ADPGK: variants seen among roughly 807,000 people sequenced by gnomAD.
The protein encoded by ADPGK is ADP-dependent glucokinase.
Under a neutral mutation model 42.4 loss-of-function variants are expected in ADPGK, and 26 were observed. The observed-to-expected ratio is 0.61, with a 90% confidence interval of 0.45 to 0.85. ADPGK has a LOEUF of 0.85. Ranked by LOEUF, ADPGK falls within the 40% of genes least tolerant of loss-of-function variation. ADPGK has a pLI of 0.00. For synonymous variants in ADPGK, 267 were observed against 252.6 expected (o/e 1.06, Z -0.54); for missense variants, 571 against 627.0 (o/e 0.91, Z 0.95).
intron 1 of ADPGK, among the ~76,000 whole-genome samples, chr15:72,776,557 A>G (rs2066394937): frequency 6.6e-6 from 1 of 152,238 alleles, no homozygotes; most frequent in Admixed American, 6.5e-5. Context: ...ATGAAGAGGA[A>G]TGAGACTGGG....
intron 4 of ADPGK, 22 bp from the exon 5 acceptor site, chr15:72,756,469 A>G (rs1334303003): frequency 6.2e-7 from 1 of 1,613,304 alleles, no homozygotes; most frequent in Non-Finnish European, 8.5e-7. Flanking sequence ...CAGTCAACAC[A>G]ATGGGAAGAA....
At chr15:72,755,964 A>G (rs917490085) in intron 5 of ADPGK, 1 of 656,718 alleles carries the variant, frequency 1.5e-6, no homozygotes, top group Admixed American at 2.1e-5. Flanking sequence ...AATAACACAA[A>G]GGACACAAAC....
intron 1 of ADPGK, among the ~76,000 whole-genome samples, chr15:72,775,885 G>GA (rs59379886): frequency 0.87 from 133,108 of 152,144 alleles, 58,539 homozygotes; most frequent in East Asian, 1. Context: ...CTTGAGATCA[G>GA]AGTGTTTCCG....
Position 72,762,405 on chromosome 15 carries a change from C to T in ADPGK, c.523-1878G>A, listed in dbSNP as rs149807441. ...AGACTGCTTTGTACAGAGGTACTTT[C>T]GTGTTATTTAAGAAATCCCACCTTC... On this transcript the variant is annotated intron_variant, in intron 3 of 6. Transcript: ENST00000456471. 3.6e-4 allele frequency among the ~76,000 whole-genome samples: 55 copies of T among 152,298 alleles called. 1 individual carries two copies. In the East Asian group the frequency reaches 0.01, roughly 29 times the overall value.
intron 1 of ADPGK, among the ~76,000 whole-genome samples, chr15:72,781,945 C>CT (rs1349419408): frequency 6.6e-6 from 1 of 152,180 alleles, no homozygotes; most frequent in Non-Finnish European, 1.5e-5. Flanking sequence ...CATGCGCAGA[C>CT]TAACTGAAAA....
At chr15:72,767,326 C>T (rs1439113700) in intron 3 of ADPGK, among the ~76,000 whole-genome samples, 1 of 150,716 alleles carries the variant, frequency 6.6e-6, no homozygotes, top group Non-Finnish European at 1.5e-5. Context: ...AGACAAGTAT[C>T]CAAAATTACA....
intron 3 of ADPGK, among the ~76,000 whole-genome samples, chr15:72,768,551 C>T (rs910207318): frequency 6.6e-6 from 1 of 152,030 alleles, no homozygotes; most frequent in Non-Finnish European, 1.5e-5. Flanking sequence ...ACCTGTAGTC[C>T]CAGCTACTCG....
chr15:72,781,713 G>A (rs1327819151), intron 1 of ADPGK, among the ~76,000 whole-genome samples: 4 of 152,194 alleles, frequency 2.6e-5, no homozygotes, highest in Non-Finnish European at 4.4e-5. Flanking sequence ...TAAGGCTTCT[G>A]CCTGGTCCTC....
chr15:72,777,339 G>A (rs2066402746), intron 1 of ADPGK, among the ~76,000 whole-genome samples: 1 of 152,160 alleles, frequency 6.6e-6, no homozygotes. Flanking sequence ...TGGGTCCCGA[G>A]TCTGAAGAGT....
intron 3 of ADPGK, among the ~76,000 whole-genome samples, chr15:72,761,704 T>TTC (rs2066195769): frequency 6.6e-6 from 1 of 151,396 alleles, no homozygotes. Context: ...TTCATGATTT[T>TTC]TTTTTTTTTT....
intron 1 of ADPGK, among the ~76,000 whole-genome samples, chr15:72,777,678 A>AAAAACAAAAC (rs549988710): frequency 6.6e-6 from 1 of 152,012 alleles, no homozygotes; most frequent in Admixed American, 6.6e-5. Flanking sequence ...ACTCCATCTC[A>AAAAACAAAAC]AAAACAAAAC....
intron 4 of ADPGK, 83 bp from the exon 5 acceptor site, chr15:72,756,530 A>G: frequency 6.9e-7 from 1 of 1,456,900 alleles, no homozygotes; most frequent in Non-Finnish European, 9.4e-7. Context: ...CAGGCACCTC[A>G]CAGGAGCCTT....
chr15:72,777,373 C>A (rs1410365225), intron 1 of ADPGK, among the ~76,000 whole-genome samples: 1 of 152,140 alleles, frequency 6.6e-6, no homozygotes, highest in Non-Finnish European at 1.5e-5. Flanking sequence ...TGGAGGGAAA[C>A]CTGTCTTTGA....
chr15:72,783,345 C>T (rs1300367623), intron 1 of ADPGK, 114 bp downstream of exon 1: 55 of 1,290,848 alleles, frequency 4.3e-5, no homozygotes, highest in Non-Finnish European at 5.3e-5. Context: ...AAGGGGCCAG[C>T]GCGGACAGCA....
At chr15:72,775,299 G>A (rs144609262) in intron 1 of ADPGK, 1 of 577,308 alleles carries the variant, frequency 1.7e-6, no homozygotes, top group East Asian at 2.9e-5. Flanking sequence ...CAGAACACAG[G>A]ACTCTTCAAT....
chr15:72,764,740 T>C (rs1489054077), intron 3 of ADPGK, among the ~76,000 whole-genome samples: 4 of 152,188 alleles, frequency 2.6e-5, no homozygotes, highest in Admixed American at 1.3e-4. Flanking sequence ...TCTAGGACTT[T>C]CAGAGCTAGA....
chr15:72,768,652 C>A (rs757089277), intron 3 of ADPGK, among the ~76,000 whole-genome samples: 1 of 149,536 alleles, frequency 6.7e-6, no homozygotes, highest in African/African-American at 2.5e-5. Context: ...CTGGGCAGAG[C>A]GAGACTCCAT....
In ADPGK at chr15:72,752,733, T is replaced by C; in HGVS notation, c.1102A>G (p.Arg368Gly). 6.2e-7 allele frequency: 1 copy of C among 1,614,108 alleles called. No homozygotes were observed. Among genetic ancestry groups the C allele is most frequent in the Admixed American group, 1.7e-5 (1 of 60,018 alleles). Residue 368 changes from arginine to glycine, a missense_variant, in exon 7 of 7, where the codon AGG becomes GGG. Physicochemically the swap from Arg to Gly is moderately radical, Grantham distance 125. Transcript: ENST00000456471. ...ILFWILKEHG[R>G]SKSRASDLTR... ...AGATCCGAGGCTCTGCTTTTACTCCTCCCATGTTCTTTCAAGATCCAGAAG... is the reference window on the plus strand; with the variant it reads ...AGATCCGAGGCTCTGCTTTTACTCCCCCCATGTTCTTTCAAGATCCAGAAG...
At chr15:72,780,721 T>C (rs985596108) in intron 1 of ADPGK, among the ~76,000 whole-genome samples, 5 of 152,176 alleles carry the variant, frequency 3.3e-5, no homozygotes, top group African/African-American at 1.2e-4. Context: ...AAGGCCACAG[T>C]GAGCTTGAAC....
Sources: gnomAD v4.1 joint callset for allele counts (sites outside exome capture counted in the v4.1 genomes callset) on GRCh38, gnomAD v4.1.1 for gene constraint, MANE v1.5 for transcripts, NCBI Gene and HGNC (gene_info 2026-07-23, HGNC 2026-07-21) for gene names.